MAP2K4: variants seen among roughly 807,000 people sequenced by gnomAD.
The protein encoded by MAP2K4 is mitogen-activated protein kinase kinase 4, also known as dual specificity mitogen-activated protein kinase kinase 4.
In MAP2K4, 4 loss-of-function variants were observed where a neutral mutation model predicts 48.5. The ratio of observed to expected loss-of-function variants is 0.08; its 90% CI spans 0.04 to 0.19. The LOEUF (loss-of-function observed/expected upper bound fraction) is 0.19. Among genes scored for constraint, MAP2K4 ranks in the 10% least tolerant of loss-of-function variants. The pLI is 1.00. For synonymous variants in MAP2K4, 166 were observed against 173.1 expected (o/e 0.96, Z 0.32); for missense variants, 258 against 493.3 (o/e 0.52, Z 4.52).
intron 1 of MAP2K4, among the ~76,000 whole-genome samples, chr17:12,054,251 T>A (rs1970224656): frequency 6.6e-6 from 1 of 152,162 alleles, no homozygotes; most frequent in Non-Finnish European, 1.5e-5. Flanking sequence ...ATTGTATAGG[T>A]GTATATGTAA....
chr17:12,130,199 T>C (rs1231875864), intron 9 of MAP2K4, among the ~76,000 whole-genome samples: 3 of 152,162 alleles, frequency 2.0e-5, no homozygotes, highest in African/African-American at 4.8e-5. Context: ...TATGAAAAAT[T>C]TAAAAATATT....
chr17:12,043,727 CA>C (rs1462277366), intron 1 of MAP2K4, among the ~76,000 whole-genome samples: 1 of 152,036 alleles, frequency 6.6e-6, no homozygotes, highest in African/African-American at 2.4e-5. Context: ...AGTAAGGGGA[CA>C]GGGGAATAGC....
intron 1 of MAP2K4, among the ~76,000 whole-genome samples, chr17:12,031,921 G>T (rs2151510133): frequency 6.6e-6 from 1 of 152,252 alleles, no homozygotes; most frequent in South Asian, 2.1e-4. Flanking sequence ...TTCTGTATTT[G>T]TAGGTTGAAA....
chr17:12,021,946 A>T (rs1371067151), intron 1 of MAP2K4, among the ~76,000 whole-genome samples: 1 of 152,064 alleles, frequency 6.6e-6, no homozygotes, highest in Non-Finnish European at 1.5e-5. Context: ...CCTGTTAGGG[A>T]CCATTTCCTT....
intron 8 of MAP2K4, among the ~76,000 whole-genome samples, chr17:12,127,804 T>G (rs966225166): frequency 6.6e-6 from 1 of 152,222 alleles, no homozygotes; most frequent in African/African-American, 2.4e-5. Flanking sequence ...GAATACATTT[T>G]TCTGTGTGTG....
chr17:12,051,975 A>G (rs1408876731), intron 1 of MAP2K4, among the ~76,000 whole-genome samples: 1 of 150,956 alleles, frequency 6.6e-6, no homozygotes, highest in East Asian at 1.9e-4. Context: ...GCTTCTCCTG[A>G]GTATTGTAAA....
intron 2 of MAP2K4, among the ~76,000 whole-genome samples, chr17:12,057,139 G>A (rs1034109069): frequency 2.6e-5 from 4 of 152,050 alleles, no homozygotes; most frequent in Non-Finnish European, 5.9e-5. Flanking sequence ...AGAACCAACA[G>A]TTTAAATAAA....
At chr17:12,100,199 T>C (rs1016304193) in intron 4 of MAP2K4, among the ~76,000 whole-genome samples, 6 of 152,210 alleles carry the variant, frequency 3.9e-5, no homozygotes, top group Admixed American at 3.3e-4. Flanking sequence ...CGAGTTTCCT[T>C]ACACCACGTA....
intron 9 of MAP2K4, 29 bp downstream of exon 9, chr17:12,129,316 C>T: frequency 1.9e-6 from 3 of 1,613,948 alleles, no homozygotes; most frequent in Non-Finnish European, 2.5e-6. Flanking sequence ...AATGGTCGAA[C>T]ACGCATGGCG....
Position 12,141,135 on chromosome 17 carries a change from AT to A in MAP2K4, c.1087-8del. Reference sequence around the variant, plus strand: ...CAAACTTTTGACTTTTTTGTTTTCAATTTTCTTGCAGAAACATCCCTTTATT... The same window carrying A: ...CAAACTTTTGACTTTTTTGTTTTCAATTTCTTGCAGAAACATCCCTTTATT... On this transcript the variant is annotated splice_polypyrimidine_tract_variant and intron_variant, in intron 10 of 10. Transcript: ENST00000353533. The A allele has an allele frequency of 6.4e-7, 1 of 1,574,732 alleles. No homozygotes were observed. The highest frequency in any genetic ancestry group is 8.7e-7 in the Non-Finnish European group (1 of 1,144,546).
At chr17:12,109,844 G>T (rs1972246372) in intron 5 of MAP2K4, among the ~76,000 whole-genome samples, 1 of 151,956 alleles carries the variant, frequency 6.6e-6, no homozygotes, top group African/African-American at 2.4e-5. Context: ...GAACATTTTA[G>T]AGGCCAGGCA....
intron 5 of MAP2K4, among the ~76,000 whole-genome samples, chr17:12,109,961 C>G (rs944110905): frequency 6.6e-6 from 1 of 151,584 alleles, no homozygotes; most frequent in Non-Finnish European, 1.5e-5. Context: ...GAACCCTGTC[C>G]ATACTAAAGA....
At chr17:12,091,225 G>A (rs976624938) in intron 3 of MAP2K4, among the ~76,000 whole-genome samples, 1 of 152,168 alleles carries the variant, frequency 6.6e-6, no homozygotes, top group Non-Finnish European at 1.5e-5. Context: ...TTGGTCCATC[G>A]ATGTTATAAG....
chr17:12,045,109 G>A (rs971766089), intron 1 of MAP2K4, among the ~76,000 whole-genome samples: 2 of 152,056 alleles, frequency 1.3e-5, no homozygotes, highest in African/African-American at 4.8e-5. Flanking sequence ...TGTGGCCTGG[G>A]GCCACTCACT....
intron 4 of MAP2K4, among the ~76,000 whole-genome samples, chr17:12,101,917 G>T (rs928125302): frequency 6.6e-6 from 1 of 151,968 alleles, no homozygotes; most frequent in Non-Finnish European, 1.5e-5. Context: ...CCTGCCTTCA[G>T]ATTTACTACA....
At chr17:12,027,608 A>G (rs1181339794) in intron 1 of MAP2K4, among the ~76,000 whole-genome samples, 1 of 152,140 alleles carries the variant, frequency 6.6e-6, no homozygotes, top group African/African-American at 2.4e-5. Flanking sequence ...TGACATGCCT[A>G]TGTCTATTTA....
At chr17:12,110,474 C>T in intron 6 of MAP2K4, 48 bp downstream of exon 6, 1 of 1,286,536 alleles carries the variant, frequency 7.8e-7, no homozygotes, top group South Asian at 1.2e-5. Flanking sequence ...CTTTTTTCTC[C>T]TAATTGGTGA....
At chr17:12,069,022 C>T (rs1424305610) in intron 2 of MAP2K4, among the ~76,000 whole-genome samples, 1 of 152,002 alleles carries the variant, frequency 6.6e-6, no homozygotes, top group Non-Finnish European at 1.5e-5. Context: ...AGAGGAGGGA[C>T]AGGCAAAAAT....
At chr17:12,078,924 C>T (rs924872049) in intron 2 of MAP2K4, among the ~76,000 whole-genome samples, 3 of 152,132 alleles carry the variant, frequency 2.0e-5, no homozygotes, top group East Asian at 3.9e-4. Flanking sequence ...CTGGAAAGAT[C>T]GCTAGCCCAG....
Sources: gnomAD v4.1 joint callset for allele counts (sites outside exome capture counted in the v4.1 genomes callset) on GRCh38, gnomAD v4.1.1 for gene constraint, MANE v1.5 for transcripts, NCBI Gene and HGNC (gene_info 2026-07-23, HGNC 2026-07-21) for gene names.